Variants in GRIP1 observed in about 807,000 individuals in gnomAD.
The protein encoded by GRIP1 is glutamate receptor-interacting protein 1.
GRIP1 carries 45 observed loss-of-function variants against 129.9 expected under a neutral mutation model. The ratio of observed to expected loss-of-function variants is 0.35; its 90% CI spans 0.27 to 0.44. GRIP1 has a LOEUF of 0.44. Ranked by LOEUF, GRIP1 falls within the 20% of genes least tolerant of loss-of-function variation. The pLI, the probability that GRIP1 is intolerant of heterozygous loss-of-function variation, is 1.00. For missense variants in GRIP1, 1,196 were observed against 1,396.8 expected (o/e 0.86, Z 2.29); for synonymous variants, 530 against 520.8 (o/e 1.02, Z -0.24).
chr12:66,436,918 G>A (rs759890549), intron 13 of GRIP1, among the ~76,000 whole-genome samples: 15 of 150,126 alleles, frequency 1.0e-4, no homozygotes, highest in Non-Finnish European at 1.8e-4. Context: ...CCCAGGAGAC[G>A]GAGGTTGATA....
At chr12:66,585,437 A>C (rs12302759) in intron 2 of GRIP1, among the ~76,000 whole-genome samples, 9,319 of 109,410 alleles carry the variant, frequency 0.085, 357 homozygotes, top group Middle Eastern at 0.11. Flanking sequence ...TGAACTCATC[A>C]TTTTTTATGG....
At chr12:66,683,684 G>A (rs1436929825), upstream of GRIP1, among the ~76,000 whole-genome samples, 1 of 152,172 alleles carries the variant, frequency 6.6e-6, no homozygotes, top group African/African-American at 2.4e-5. Context: ...TCTAGGCAGG[G>A]CTCTGATGCC....
chr12:66,648,083 C>A lies in GRIP1; in HGVS notation c.55+30767G>T, dbSNP rs528251494. On this transcript the variant is annotated intron_variant, in intron 1 of 24. Coordinates refer to ENST00000359742, the MANE Select transcript of GRIP1 (RefSeq NM_001366722.1). ...TCCCTCCACCCACTCTTCCCCCCTC[C>A]CTCCACCAGTGCCTTCTTGCTACCG... is the stretch of plus-strand genomic sequence containing the variant. Among the ~76,000 whole-genome samples, 4 of 152,276 alleles carry A rather than the reference C, an allele frequency of 2.6e-5. No homozygotes were observed. In the South Asian group the frequency reaches 8.3e-4, roughly 32 times the overall value.
At chr12:67,064,145 G>A (rs373292169) in intron 1 of GRIP1, among the ~76,000 whole-genome samples, 1 of 152,162 alleles carries the variant, frequency 6.6e-6, no homozygotes, top group Non-Finnish European at 1.5e-5. Context: ...CTTATTGTTA[G>A]AGTTAATTAA....
intron 1 of GRIP1, among the ~76,000 whole-genome samples, chr12:66,827,387 T>TGTGTGAGAGAGAGAGAGA (rs755458052): frequency 1.1e-4 from 12 of 108,270 alleles, no homozygotes; most frequent in Non-Finnish European, 1.1e-4. Context: ...TGTGTGTGTG[T>TGTGTGAGAGAGAGAGAGA]GAGAGAGAGA....
At chr12:66,671,879 C>A (rs2034099081) in intron 1 of GRIP1, among the ~76,000 whole-genome samples, 1 of 152,106 alleles carries the variant, frequency 6.6e-6, no homozygotes, top group African/African-American at 2.4e-5. Context: ...TACATGAAGG[C>A]AACAATTTAA....
intron 23 of GRIP1, among the ~76,000 whole-genome samples, chr12:66,366,149 C>T (rs922198113): frequency 6.6e-6 from 1 of 152,186 alleles, no homozygotes; most frequent in African/African-American, 2.4e-5. Context: ...CACAATTCTA[C>T]ACTAGGTATT....
chr12:66,648,079 C>G (rs184779293), intron 1 of GRIP1, among the ~76,000 whole-genome samples: 1 of 152,128 alleles, frequency 6.6e-6, no homozygotes, highest in Non-Finnish European at 1.5e-5. Flanking sequence ...ACTCTTCCCC[C>G]CTCCCTCCAC....
At chr12:66,938,300 C>T (rs1233075327) in intron 1 of GRIP1, among the ~76,000 whole-genome samples, 6 of 151,844 alleles carry the variant, frequency 4.0e-5, no homozygotes, top group South Asian at 4.2e-4. Flanking sequence ...TGCTTGAACC[C>T]GGGAGGTGAG....
intron 1 of GRIP1, among the ~76,000 whole-genome samples, chr12:66,811,472 A>G (rs1298207219): frequency 6.6e-6 from 1 of 151,402 alleles, no homozygotes; most frequent in Non-Finnish European, 1.5e-5. Context: ...AGTGCTAATT[A>G]TAGTGTCTTT....
intron 1 of GRIP1, among the ~76,000 whole-genome samples, chr12:66,645,688 T>G (rs191083591): frequency 2.4e-4 from 36 of 152,278 alleles, no homozygotes; most frequent in African/African-American, 8.4e-4. Flanking sequence ...TATAAAAAGA[T>G]TCATAAATTT....
At chr12:66,600,019 T>G (rs2064210176) in intron 1 of GRIP1, among the ~76,000 whole-genome samples, 1 of 152,184 alleles carries the variant, frequency 6.6e-6, no homozygotes, top group Non-Finnish European at 1.5e-5. Flanking sequence ...GCAGAGACCT[T>G]GTATGGTGTA....
At chr12:66,813,295 T>C (rs1032451589) in intron 1 of GRIP1, among the ~76,000 whole-genome samples, 1 of 152,060 alleles carries the variant, frequency 6.6e-6, no homozygotes, top group Non-Finnish European at 1.5e-5. Flanking sequence ...TGTGAACTAA[T>C]AGAGAGAGAA....
At chr12:66,527,354 T>C (rs1274520254) in intron 5 of GRIP1, among the ~76,000 whole-genome samples, 1 of 151,878 alleles carries the variant, frequency 6.6e-6, no homozygotes, top group South Asian at 2.1e-4. Context: ...CCATAAAAAA[T>C]GATGAGTTCA....
chr12:66,419,965 T>C, intron 15 of GRIP1, among the ~76,000 whole-genome samples: 1 of 152,084 alleles, frequency 6.6e-6, no homozygotes. Context: ...GGCATGGCGG[T>C]GTGCACCTGT....
At chr12:66,726,230 T>G (rs563554685) in intron 1 of GRIP1, among the ~76,000 whole-genome samples, 59 of 152,334 alleles carry the variant, frequency 3.9e-4, no homozygotes, top group Non-Finnish European at 7.5e-4. Flanking sequence ...CACACCACAC[T>G]GCTTTACAAT....
At chr12:66,830,831 ATTT>A (rs113993317) in intron 1 of GRIP1, among the ~76,000 whole-genome samples, 1 of 139,052 alleles carries the variant, frequency 7.2e-6, no homozygotes, top group Admixed American at 7.3e-5. Flanking sequence ...TGGTATCTGA[ATTT>A]TTTTTTTTTT....
intron 1 of GRIP1, among the ~76,000 whole-genome samples, chr12:66,686,795 A>G (rs1318608225): frequency 1.3e-5 from 2 of 152,196 alleles, no homozygotes; most frequent in Non-Finnish European, 2.9e-5. Context: ...AGTGGCTCAC[A>G]CCTGTAATCT....
chr12:66,455,693 G>C (rs879518772), intron 10 of GRIP1, 129 bp from the exon 11 acceptor site: 1 of 803,056 alleles, frequency 1.2e-6, no homozygotes, highest in African/African-American at 1.7e-5. Context: ...ACCCCAGCCA[G>C]CTAGAGGCCA....
Sources: allele counts gnomAD v4.1 joint callset (sites outside exome capture counted in the v4.1 genomes callset), GRCh38; gene constraint gnomAD v4.1.1; transcripts MANE v1.5; gene names NCBI Gene and HGNC (gene_info 2026-07-23, HGNC 2026-07-21).